The following CSTPP1 variants were observed in gnomAD, a reference collection of about 807,000 sequenced individuals.
CSTPP1 encodes centriolar satellite-associated tubulin polyglutamylase complex regulator 1.
chr11:47,026,839 C>T, the CSTPP1 span, among the ~76,000 whole-genome samples: 4 of 152,126 alleles, frequency 2.6e-5, no homozygotes, highest in Non-Finnish European at 5.9e-5. Flanking sequence ...GATCGCAGCA[C>T]CACACTCCAG....
At chr11:47,164,183 G>A in the CSTPP1 span, 1 of 1,614,032 alleles carries the variant, frequency 6.2e-7, no homozygotes, top group Non-Finnish European at 8.5e-7. Flanking sequence ...AGAAGCAGGA[G>A]GCCCTGGAGA....
the CSTPP1 span, among the ~76,000 whole-genome samples, chr11:46,981,725 A>G: frequency 6.6e-6 from 1 of 151,992 alleles, no homozygotes; most frequent in African/African-American, 2.4e-5. Context: ...ATTTATTTAG[A>G]CTTTGGGCAG....
chr11:47,064,825 A>T, the CSTPP1 span, among the ~76,000 whole-genome samples: 1 of 149,794 alleles, frequency 6.7e-6, no homozygotes, highest in Non-Finnish European at 1.5e-5. Context: ...GCTCACCGCA[A>T]CCTCCACCTC....
the CSTPP1 span, among the ~76,000 whole-genome samples, chr11:47,056,414 A>G: frequency 3.3e-5 from 5 of 152,212 alleles, no homozygotes; most frequent in African/African-American, 1.2e-4. Flanking sequence ...GAATGTATTT[A>G]CTATCACGAG....
the CSTPP1 span, chr11:47,137,757 C>T: frequency 2.5e-6 from 4 of 1,603,704 alleles, no homozygotes; most frequent in Non-Finnish European, 3.4e-6. Flanking sequence ...TTGAAACCAA[C>T]TCAGCTCTCT....
the CSTPP1 span, among the ~76,000 whole-genome samples, chr11:47,097,022 C>T: frequency 6.6e-6 from 1 of 152,074 alleles, no homozygotes; most frequent in Non-Finnish European, 1.5e-5. Context: ...CCTCTCAGCC[C>T]GGCCAGCCAC....
At chr11:47,006,557 T>G in the CSTPP1 span, among the ~76,000 whole-genome samples, 1 of 151,966 alleles carries the variant, frequency 6.6e-6, no homozygotes, top group Admixed American at 6.6e-5. Flanking sequence ...TCTTCAAATT[T>G]ACTTCTGTTC....
At chr11:47,163,647 A>T in the CSTPP1 span, among the ~76,000 whole-genome samples, 1 of 151,798 alleles carries the variant, frequency 6.6e-6, no homozygotes, top group Non-Finnish European at 1.5e-5. Flanking sequence ...TATATATGTA[A>T]TTTTTTCTTT....
chr11:46,952,264 A>G, the CSTPP1 span, among the ~76,000 whole-genome samples: 1 of 152,226 alleles, frequency 6.6e-6, no homozygotes, highest in African/African-American at 2.4e-5. Context: ...CCTCAATTGT[A>G]GCCATTTTCA....
At chr11:47,156,297 G>GC in the CSTPP1 span, among the ~76,000 whole-genome samples, 1 of 152,174 alleles carries the variant, frequency 6.6e-6, no homozygotes, top group South Asian at 2.1e-4. Context: ...TGTCTCCCCA[G>GC]CCCTCTTCTC....
chr11:47,155,710 A>G, the CSTPP1 span: 3 of 167,950 alleles, frequency 1.8e-5, no homozygotes, highest in Non-Finnish European at 3.9e-5. Context: ...CCAGACCTGA[A>G]GGCTGACTCC....
chr11:47,139,715 G>A, the CSTPP1 span, among the ~76,000 whole-genome samples: 1 of 151,774 alleles, frequency 6.6e-6, no homozygotes, highest in Non-Finnish European at 1.5e-5. Context: ...AACCCCAGTT[G>A]AGGGAAGGGT....
At chr11:47,145,195 C>T in the CSTPP1 span, among the ~76,000 whole-genome samples, 1 of 151,916 alleles carries the variant, frequency 6.6e-6, no homozygotes, top group Non-Finnish European at 1.5e-5. Context: ...ACACTGTTGG[C>T]CAGGATGGTC....
At chr11:46,997,507 C>G in the CSTPP1 span, among the ~76,000 whole-genome samples, 1 of 152,178 alleles carries the variant, frequency 6.6e-6, no homozygotes, top group African/African-American at 2.4e-5. Context: ...CGGACATCCT[C>G]CTTTAGCTCG....
chr11:47,024,447 G>C, the CSTPP1 span, among the ~76,000 whole-genome samples: 9 of 151,456 alleles, frequency 5.9e-5, no homozygotes, highest in Non-Finnish European at 1.3e-4. Context: ...TGAGTTTTCA[G>C]TACAGATTTT....
the CSTPP1 span, among the ~76,000 whole-genome samples, chr11:47,134,186 AT>A: frequency 2.6e-5 from 4 of 151,464 alleles, no homozygotes; most frequent in Non-Finnish European, 5.9e-5. Context: ...AAGTGAGTTA[AT>A]TTTTTTTTAT....
chr11:47,052,599 TTCTC>T, the CSTPP1 span: 6 of 1,521,474 alleles, frequency 3.9e-6, no homozygotes, highest in East Asian at 2.3e-5. Flanking sequence ...CTCTCTTTCT[TTCTC>T]TCTCTCTTTT....
At chr11:46,939,082 C>CTTTTTTTTTTTT in the CSTPP1 span, among the ~76,000 whole-genome samples, 1 of 84,768 alleles carries the variant, frequency 1.2e-5, no homozygotes, top group Non-Finnish European at 2.3e-5. Flanking sequence ...TGGCTTACAT[C>CTTTTTTTTTTTT]TTTTTTTTTT....
the CSTPP1 span, among the ~76,000 whole-genome samples, chr11:46,978,865 A>G: frequency 6.6e-6 from 1 of 152,226 alleles, no homozygotes; most frequent in Non-Finnish European, 1.5e-5. Flanking sequence ...ACTTTAAATT[A>G]GAACTTTTCT....
Sources: allele counts gnomAD v4.1 joint callset (sites outside exome capture counted in the v4.1 genomes callset), GRCh38; gene constraint gnomAD v4.1.1; transcripts MANE v1.5; gene names NCBI Gene and HGNC (gene_info 2026-07-23, HGNC 2026-07-21).